Variants in MYEF2 observed in about 807,000 individuals in gnomAD.
MYEF2 encodes the protein myelin expression factor 2, also known as myelin gene expression factor 2.
Under a neutral mutation model 75.2 loss-of-function variants are expected in MYEF2, and 37 were observed. The observed-to-expected ratio is 0.49, with a 90% CI of 0.38 to 0.65. MYEF2 has a LOEUF of 0.65. Among genes scored for constraint, MYEF2 ranks in the 30% least tolerant of loss-of-function variants. The pLI is 0.00. For missense variants in MYEF2, 634 were observed against 771.4 expected, an observed-to-expected ratio of 0.82 and a Z score of 2.11; for synonymous variants, 195 against 241.6, an observed-to-expected ratio of 0.81 and a Z score of 1.79.
chr15:48,166,375 T>C (rs1416294646), intron 3 of MYEF2, among the ~76,000 whole-genome samples: 2 of 151,960 alleles, frequency 1.3e-5, no homozygotes, highest in African/African-American at 2.4e-5. Flanking sequence ...TTTTCACTTT[T>C]AGGTGACTTT....
At position 48,137,281 on chromosome 15, in the gene MYEF2, G is replaced by C. The variant is rs1319584976; in HGVS notation, c.*5627C>G. 1 of 253,254 alleles carries C rather than the reference G, an allele frequency of 3.9e-6. No individual in the cohort carries two copies. Among genetic ancestry groups the C allele is most frequent in the Non-Finnish European group, 7.5e-6 (1 of 132,738 alleles). The allele number at this position is 253,254 out of a possible 1,614,324, so 15.7% of individuals were successfully genotyped here. Reference sequence around the variant, plus strand: ...GAAGGGAGCATTTAAATTGGGCCTTGCTGGACAGGAAAGACTTTAACTAAT... The same window carrying C: ...GAAGGGAGCATTTAAATTGGGCCTTCCTGGACAGGAAAGACTTTAACTAAT... On this transcript the variant is annotated 3_prime_UTR_variant, in exon 17 of 17. Coordinates refer to ENST00000324324, the MANE Select transcript of MYEF2 (RefSeq NM_016132.5).
intron 16 of MYEF2, among the ~76,000 whole-genome samples, chr15:48,145,979 T>C (rs1055229425): frequency 3.9e-5 from 6 of 151,918 alleles, no homozygotes; most frequent in Non-Finnish European, 7.4e-5. Context: ...CCATTTTCCA[T>C]GCAGTTGACA....
In MYEF2 at chr15:48,139,810, G is replaced by C. The variant is rs930220823; in HGVS notation, c.*3098C>G. On this transcript the variant is annotated 3_prime_UTR_variant, in exon 17 of 17. Transcript: ENST00000324324. ...ATAATCTGTAATTTCTCCTACAAAG[G>C]TTAACCCAAATTAACTTACAGCAGA... 4 of 151,984 alleles carry C rather than the reference G, an allele frequency of 2.6e-5. No individual in the cohort carries two copies. Among genetic ancestry groups the C allele is most frequent in the Non-Finnish European group, 5.9e-5 (4 of 67,952 alleles). The allele number at this position is 151,984 out of a possible 1,614,324, so 9.4% of individuals were successfully genotyped here. A position where few individuals can be genotyped will look rare whatever the true frequency, so the allele number is the denominator to read the frequency against.
chr15:48,163,504 T>C (rs77758759), intron 5 of MYEF2, among the ~76,000 whole-genome samples: 6 of 152,210 alleles, frequency 3.9e-5, no homozygotes, highest in Admixed American at 1.3e-4. Flanking sequence ...AGTGCTGATG[T>C]AGAAGCTACA....
chr15:48,139,064 C>G lies in MYEF2; in HGVS notation c.*3844G>C. 6.2e-7 allele frequency: 1 copy of G among 1,612,700 alleles called. No individual in the cohort carries two copies. The highest frequency in any genetic ancestry group is 8.5e-7 in the Non-Finnish European group (1 of 1,178,974). ...TATTACATTACTTTTTCTAACCACA[C>G]CAGATTGTAGAAAAAAGTTTTGGAA... On this transcript the variant is annotated 3_prime_UTR_variant, in exon 17 of 17. Coordinates refer to ENST00000324324, the MANE Select transcript of MYEF2 (RefSeq NM_016132.5).
chr15:48,146,910 A>G (rs2140814062), intron 16 of MYEF2, among the ~76,000 whole-genome samples: 1 of 152,146 alleles, frequency 6.6e-6, no homozygotes, highest in Non-Finnish European at 1.5e-5. Flanking sequence ...CTATATTATT[A>G]TAACTTTTCC....
In MYEF2 at chr15:48,153,838, G is replaced by A; in HGVS notation, c.1041C>T (p.Ala347=). ...GLGPGGQPIS[A]SQLNIGGVMG... ...TTACTCCACCTATGTTCAACTGGCTGGCACTAATAGGCTGTCCACCCGGAC... is the reference window on the plus strand; with the variant it reads ...TTACTCCACCTATGTTCAACTGGCTAGCACTAATAGGCTGTCCACCCGGAC... Residue 347 remains alanine (A), a synonymous_variant, in exon 10 of 17, where the codon GCC becomes GCT. Coordinates refer to ENST00000324324, the MANE Select transcript of MYEF2 (RefSeq NM_016132.5). 1 of 1,613,400 alleles carries A rather than the reference G, an allele frequency of 6.2e-7. No individual in the cohort carries two copies. The highest frequency in any genetic ancestry group is 8.5e-7 in the Non-Finnish European group (1 of 1,179,594).
chr15:48,178,139 C>T lies in MYEF2; in HGVS notation c.99G>A (p.Pro33=), dbSNP rs1318330723. 1 of 1,578,204 alleles carries T rather than the reference C, an allele frequency of 6.3e-7. No individual in the cohort carries two copies. The highest frequency in any genetic ancestry group is 1.8e-5 in the Admixed American group (1 of 56,464). ...GCTGCTTCTCCGCCTCCGCGGGGTG[C>T]GGCTCTCGCCGCGGCTCGCCCGGCG... The part of the protein sequence containing the change: ...AEPPGEPRRE[P]HPAEAEKQQP... Residue 33 remains proline (P), a synonymous_variant, in exon 1 of 17, where the codon CCG becomes CCA. Transcript: ENST00000324324.
chr15:48,172,792 T>C (rs564965473), intron 1 of MYEF2, among the ~76,000 whole-genome samples: 1 of 152,230 alleles, frequency 6.6e-6, no homozygotes, highest in Admixed American at 6.5e-5. Flanking sequence ...TTCCTGGAAA[T>C]ATACAACTCA....
At chr15:48,168,490 GGAA>G in intron 2 of MYEF2, 138 bp downstream of exon 2, 1 of 657,336 alleles carries the variant, frequency 1.5e-6, no homozygotes, top group Non-Finnish European at 2.6e-6. Context: ...AGAAAGAAGA[GGAA>G]AAGATTAATT....
chr15:48,158,629 G>C (rs777292542), intron 7 of MYEF2, 140 bp downstream of exon 7: 69 of 965,352 alleles, frequency 7.1e-5, no homozygotes, highest in Non-Finnish European at 1.0e-4. Context: ...GACCTACTAA[G>C]GGTTTTATTT....
At chr15:48,145,094 A>G (rs1413892785) in intron 16 of MYEF2, among the ~76,000 whole-genome samples, 10 of 151,828 alleles carry the variant, frequency 6.6e-5, no homozygotes, top group Non-Finnish European at 1.0e-4. Flanking sequence ...TGACCTCACA[A>G]TGACCTCAAA....
Position 48,135,080 on chromosome 15 carries a change from A to G in MYEF2, c.*7828T>C. On this transcript the variant is annotated 3_prime_UTR_variant, in exon 17 of 17. Coordinates refer to ENST00000324324, the MANE Select transcript of MYEF2 (RefSeq NM_016132.5). ...TTCAGAAATGTTATTTCAGTCACTT[A>G]ATCTGCCACTTCTATACCATATTCC... 10 of 866,696 alleles carry G rather than the reference A, an allele frequency of 1.2e-5. No homozygotes were observed. The highest frequency in any genetic ancestry group is 1.9e-5 in the Non-Finnish European group (10 of 538,006). The allele number at this position is 866,696 out of a possible 1,614,324, so 53.7% of individuals were successfully genotyped here.
Position 48,134,970 on chromosome 15 carries a change from C to A in MYEF2, c.*7938G>T. On this transcript the variant is annotated 3_prime_UTR_variant, in exon 17 of 17. Coordinates refer to ENST00000324324, the MANE Select transcript of MYEF2 (RefSeq NM_016132.5). ...CAGCAGTTCTTGGTATAATATATGA[C>A]AACCAAGTTTACTGGTAAGCTTGAA... The A allele has an allele frequency of 6.2e-7, 1 of 1,607,254 alleles. No individual in the cohort carries two copies. Among genetic ancestry groups the A allele is most frequent in the East Asian group, 2.2e-5 (1 of 44,732 alleles).
At position 48,139,293 on chromosome 15, in the gene MYEF2, T is replaced by A. The variant is rs2038982958; in HGVS notation, c.*3615A>T. On this transcript the variant is annotated 3_prime_UTR_variant, in exon 17 of 17. Transcript: ENST00000324324. ...ATTTCTTTTCAGCAAGATTGAAGAT[T>A]AGTACCATTTACAAAATGATTAAGT... 1.4e-6 allele frequency: 1 copy of A among 736,766 alleles called. No homozygotes were observed. The allele number at this position is 736,766 out of a possible 1,614,324, so 45.6% of individuals were successfully genotyped here. A position where few individuals can be genotyped will look rare whatever the true frequency, so the allele number is the denominator to read the frequency against.
intron 1 of MYEF2, 48 bp from the exon 2 acceptor site, chr15:48,168,887 A>G (rs1230184385): frequency 2.2e-6 from 3 of 1,394,188 alleles, no homozygotes; most frequent in South Asian, 1.2e-5. Flanking sequence ...AGTTGTGCTT[A>G]TAAGAATGGA....
rs1349815857 is a variant in MYEF2 at position 48,137,681 on chromosome 15, T to A, written c.*5227A>T. The A allele has an allele frequency of 6.6e-6, 1 of 152,050 alleles. No individual in the cohort carries two copies. The highest frequency in any genetic ancestry group is 1.5e-5 in the Non-Finnish European group (1 of 68,034). 9.4% of individuals were successfully genotyped at this position (152,050 alleles called of 1,614,324 possible). A position where few individuals can be genotyped will look rare whatever the true frequency, so the allele number is the denominator to read the frequency against. On this transcript the variant is annotated 3_prime_UTR_variant, in exon 17 of 17. Coordinates refer to ENST00000324324, the MANE Select transcript of MYEF2 (RefSeq NM_016132.5). ...TATATGAAGGAAGCATCACCAAGAC[T>A]ATATGGGGCCAGAAAAAGGAACAAA...
rs557204256 is a variant in MYEF2 at position 48,139,298 on chromosome 15, C to T, written c.*3610G>A. 7.0e-5 allele frequency: 50 copies of T among 716,212 alleles called. 1 individual carries two copies. The South Asian group carries it at 9.5e-4, about 14-fold the overall frequency. 44.4% of individuals were successfully genotyped at this position (716,212 alleles called of 1,614,324 possible). ...TTTTCAGCAAGATTGAAGATTAGTA[C>T]CATTTACAAAATGATTAAGTATTAC... On this transcript the variant is annotated 3_prime_UTR_variant, in exon 17 of 17. Transcript: ENST00000324324.
chr15:48,151,309 T>C (rs1341049042), intron 13 of MYEF2, 138 bp from the exon 14 acceptor site: 14 of 1,012,422 alleles, frequency 1.4e-5, no homozygotes, highest in Non-Finnish European at 2.1e-5. Context: ...ATATGTAAGA[T>C]GTTGAAAAAG....
Sources: gnomAD v4.1 joint callset for allele counts (sites outside exome capture counted in the v4.1 genomes callset) on GRCh38, gnomAD v4.1.1 for gene constraint, MANE v1.5 for transcripts, NCBI Gene and HGNC (gene_info 2026-07-23, HGNC 2026-07-21) for gene names.